The following SNX29 variants were observed in gnomAD, a reference collection of about 807,000 sequenced individuals.
SNX29 encodes sorting nexin-29.
A neutral mutation model predicts 102.1 loss-of-function variants in SNX29; 78 were observed. That is an observed-to-expected ratio of 0.76 (90% CI 0.64 to 0.92). The LOEUF is 0.92. Among genes scored for constraint, SNX29 ranks in the 40% least tolerant of loss-of-function variants. The pLI, the probability that SNX29 is intolerant of heterozygous loss-of-function variation, is 0.00. For missense variants in SNX29, 1,280 were observed against 1,061.7 expected, an observed-to-expected ratio of 1.21 and a Z score of -2.86; for synonymous variants, 580 against 414.5, an observed-to-expected ratio of 1.40 and a Z score of -4.85.
At chr16:12,439,062 G>A (rs1019547638) in intron 18 of SNX29, among the ~76,000 whole-genome samples, 3 of 152,226 alleles carry the variant, frequency 2.0e-5, no homozygotes, top group Non-Finnish European at 2.9e-5. Flanking sequence ...CTCAGAGCAC[G>A]TGAGAAGGAA....
intron 14 of SNX29, among the ~76,000 whole-genome samples, chr16:12,232,670 A>G (rs566297837): frequency 6.6e-6 from 1 of 152,298 alleles, no homozygotes; most frequent in East Asian, 1.9e-4. Flanking sequence ...ATTCTCCCCA[A>G]AGCCAACAAG....
intron 11 of SNX29, among the ~76,000 whole-genome samples, chr16:12,116,993 A>G (rs529555178): frequency 7.2e-4 from 109 of 151,452 alleles, no homozygotes; most frequent in African/African-American, 2.6e-3. Context: ...AACCATGGAA[A>G]CAGGCGTGGT....
At chr16:12,262,499 G>A (rs2078804864) in intron 14 of SNX29, among the ~76,000 whole-genome samples, 1 of 152,210 alleles carries the variant, frequency 6.6e-6, no homozygotes. Context: ...ATAAAAGGCT[G>A]GTGGAATAGA....
intron 13 of SNX29, among the ~76,000 whole-genome samples, chr16:12,165,257 A>G (rs1273943046): frequency 1.3e-5 from 2 of 152,196 alleles, no homozygotes; most frequent in Non-Finnish European, 1.5e-5. Flanking sequence ...TGAAGAAGAG[A>G]GGAGCTTGAG....
intron 20 of SNX29, among the ~76,000 whole-genome samples, chr16:12,539,257 C>A (rs922817388): frequency 1.3e-5 from 2 of 152,112 alleles, no homozygotes; most frequent in Non-Finnish European, 1.5e-5. Flanking sequence ...GCTGTTTTCC[C>A]CTCATTTCCT....
In SNX29 at chr16:12,463,302, G is replaced by C. The variant is rs535085936; in HGVS notation, c.2038-14417G>C. On this transcript the variant is annotated intron_variant, in intron 18 of 20. Transcript: ENST00000566228. ...TCATTGCCTAATCACCTCTGTATTAGTCGGTTTTCATGCTGCTGATAAAGA... is the reference window on the plus strand; with the variant it reads ...TCATTGCCTAATCACCTCTGTATTACTCGGTTTTCATGCTGCTGATAAAGA... Among the ~76,000 whole-genome samples, 7 of 152,304 alleles carry C rather than the reference G, an allele frequency of 4.6e-5. No individual in the cohort carries two copies. The South Asian group carries it at 1.0e-3, about 23-fold the overall frequency.
intron 11 of SNX29, among the ~76,000 whole-genome samples, chr16:12,116,722 T>C (rs1381861354): frequency 2.0e-5 from 3 of 152,048 alleles, no homozygotes; most frequent in African/African-American, 4.8e-5. Context: ...GTGGATGAAC[T>C]GTGGAAACAG....
At chr16:12,185,699 C>T (rs1389645035) in intron 13 of SNX29, among the ~76,000 whole-genome samples, 3 of 152,222 alleles carry the variant, frequency 2.0e-5, no homozygotes, top group African/African-American at 7.2e-5. Context: ...GTTGAGACGA[C>T]TGTGACTTGT....
Position 12,112,947 on chromosome 16 carries a change from G to A in SNX29, c.1403-13686G>A, listed in dbSNP as rs142562534. 2.6e-5 allele frequency among the ~76,000 whole-genome samples: 4 copies of A among 152,354 alleles called. No individual in the cohort carries two copies. In the South Asian group the frequency reaches 6.2e-4, roughly 24 times the overall value. On this transcript the variant is annotated intron_variant, in intron 11 of 20. Coordinates refer to ENST00000566228, the MANE Select transcript of SNX29 (RefSeq NM_032167.5). ...CTGGATTCATTGGAGCACCTGGAAGGAGGCCTGATGGAAACCACGCTGCCT... is the reference window on the plus strand; with the variant it reads ...CTGGATTCATTGGAGCACCTGGAAGAAGGCCTGATGGAAACCACGCTGCCT...
At chr16:12,274,240 T>C (rs770507369) in intron 14 of SNX29, among the ~76,000 whole-genome samples, 6 of 152,238 alleles carry the variant, frequency 3.9e-5, no homozygotes, top group Admixed American at 6.5e-5. Flanking sequence ...CTTCATTGTT[T>C]TCTAGCTTTC....
At chr16:12,378,500 T>G (rs1459442734) in intron 16 of SNX29, among the ~76,000 whole-genome samples, 1 of 152,100 alleles carries the variant, frequency 6.6e-6, no homozygotes, top group Non-Finnish European at 1.5e-5. Context: ...AATACAAAAA[T>G]TAGCCGGGTG....
intron 14 of SNX29, among the ~76,000 whole-genome samples, chr16:12,241,041 G>A (rs556824096): frequency 6.6e-6 from 1 of 152,252 alleles, no homozygotes; most frequent in Non-Finnish European, 1.5e-5. Context: ...TTTGTAGTAT[G>A]CGTGATTGTG....
At chr16:12,563,104 TAAC>T (rs75542059) in intron 20 of SNX29, among the ~76,000 whole-genome samples, 32,707 of 151,940 alleles carry the variant, frequency 0.22, 4,433 homozygotes, top group South Asian at 0.31. Flanking sequence ...AGACGCACGC[TAAC>T]AACAGAGCCT....
At chr16:12,060,778 C>G (rs1240708795) in intron 8 of SNX29, 4 of 456,312 alleles carry the variant, frequency 8.8e-6, no homozygotes, top group South Asian at 6.2e-5. Context: ...TACTCCCAAA[C>G]AAACCCAACC....
At chr16:12,548,975 G>C (rs1392772313) in intron 20 of SNX29, among the ~76,000 whole-genome samples, 2 of 152,182 alleles carry the variant, frequency 1.3e-5, no homozygotes, top group Middle Eastern at 6.3e-3. Context: ...GCACAAGTGA[G>C]GCCCCTGCTC....
chr16:12,046,485 C>G, intron 6 of SNX29, 31 bp downstream of exon 6: 12 of 1,610,584 alleles, frequency 7.5e-6, no homozygotes, highest in Non-Finnish European at 1.0e-5. Context: ...GGTGCAGGGC[C>G]TTGTGACACT....
chr16:12,559,959 A>G (rs184621639), intron 20 of SNX29, among the ~76,000 whole-genome samples: 3 of 152,326 alleles, frequency 2.0e-5, no homozygotes, highest in Admixed American at 6.5e-5. Flanking sequence ...AGCCTGGGCA[A>G]CAGAGCAAGA....
chr16:12,072,425 T>C (rs2051344173), intron 10 of SNX29, among the ~76,000 whole-genome samples: 1 of 152,194 alleles, frequency 6.6e-6, no homozygotes, highest in Non-Finnish European at 1.5e-5. Context: ...ACTGAGATAA[T>C]CATGTGGTTT....
chr16:12,516,474 C>A (rs552816848), intron 19 of SNX29, among the ~76,000 whole-genome samples: 1 of 118,794 alleles, frequency 8.4e-6, no homozygotes, highest in African/African-American at 3.2e-5. Context: ...AGAGATATCC[C>A]GTCTCAGAAA....
Sources: allele counts gnomAD v4.1 joint callset (sites outside exome capture counted in the v4.1 genomes callset), GRCh38; gene constraint gnomAD v4.1.1; transcripts MANE v1.5; gene names NCBI Gene and HGNC (gene_info 2026-07-23, HGNC 2026-07-21).